Variants in NEDD4L observed in about 807,000 individuals in gnomAD.
NEDD4L encodes E3 ubiquitin-protein ligase NEDD4-like.
Under a neutral mutation model 148.9 loss-of-function variants are expected in NEDD4L, and 54 were observed. That is an observed-to-expected ratio of 0.36 (90% CI 0.29 to 0.45). The LOEUF (loss-of-function observed/expected upper bound fraction) is 0.45, where lower values mean the gene tolerates loss of function less well. Among genes scored for constraint, NEDD4L ranks in the 20% least tolerant of loss-of-function variants. The probability of loss-of-function intolerance (pLI) is 1.00; values close to 1 mark genes in which losing one functional copy is unlikely to be tolerated. For missense variants in NEDD4L, 856 were observed against 1,233.8 expected (o/e 0.69, Z 4.59); for synonymous variants, 433 against 440.7 (o/e 0.98, Z 0.22).
chr18:58,195,370 T>G (rs2040540431), intron 2 of NEDD4L: 1 of 1,194,498 alleles, frequency 8.4e-7, no homozygotes, highest in Non-Finnish European at 1.1e-6. Context: ...AGTCATTGGC[T>G]CTGCTGCCTC....
chr18:58,105,696 G>C (rs980939648), intron 1 of NEDD4L, among the ~76,000 whole-genome samples: 1 of 152,114 alleles, frequency 6.6e-6, no homozygotes, highest in African/African-American at 2.4e-5. Flanking sequence ...CTGATATCAC[G>C]AGTCAATGTG....
chr18:58,324,290 G>C (rs974376349), intron 8 of NEDD4L, among the ~76,000 whole-genome samples: 4 of 152,216 alleles, frequency 2.6e-5, no homozygotes, highest in Admixed American at 6.5e-5. Flanking sequence ...AGGATGTTAG[G>C]AAGGGAATAC....
intron 1 of NEDD4L, among the ~76,000 whole-genome samples, chr18:58,094,787 T>C (rs1018386848): frequency 2.6e-5 from 4 of 152,014 alleles, no homozygotes; most frequent in African/African-American, 9.7e-5. Context: ...TTGAGGGCCT[T>C]ACAGACCTGG....
At position 58,135,517 on chromosome 18, in the gene NEDD4L, T is replaced by C. The variant is rs150329062; in HGVS notation, c.49-30271T>C. 1.4e-4 allele frequency among the ~76,000 whole-genome samples: 22 copies of C among 152,336 alleles called. No homozygotes were observed. In the East Asian group the frequency reaches 4.0e-3, roughly 28 times the overall value. ...TTGACATGTAGGTCACCTGACCGTG[T>C]ATGGAGAGAGAAAAATCACTTTCTT... is the stretch of plus-strand genomic sequence containing the variant. On this transcript the variant is annotated intron_variant, in intron 1 of 30. Coordinates refer to ENST00000400345, the MANE Select transcript of NEDD4L (RefSeq NM_001144967.3).
chr18:58,220,915 A>T (rs2043687940), intron 2 of NEDD4L, among the ~76,000 whole-genome samples: 2 of 152,158 alleles, frequency 1.3e-5, no homozygotes, highest in African/African-American at 4.8e-5. Flanking sequence ...GTCCCAGGGT[A>T]GAGCTCTGCT....
intron 1 of NEDD4L, among the ~76,000 whole-genome samples, chr18:58,080,893 A>C (rs1568186992): frequency 6.6e-6 from 1 of 152,126 alleles, no homozygotes; most frequent in African/African-American, 2.4e-5. Context: ...CTCTTAAGAA[A>C]GCAGTTTCAC....
intron 1 of NEDD4L, chr18:58,044,934 C>G (rs559586308): frequency 3.4e-5 from 16 of 473,776 alleles, no homozygotes; most frequent in African/African-American, 2.6e-4. Context: ...GCGCGACGCC[C>G]TTGGAGCTGG....
intron 1 of NEDD4L, among the ~76,000 whole-genome samples, chr18:58,096,462 G>A (rs1321354847): frequency 6.6e-6 from 1 of 151,020 alleles, no homozygotes; most frequent in Non-Finnish European, 1.5e-5. Flanking sequence ...GGAGCGCAGT[G>A]GCGCAGTCTT....
chr18:58,071,794 A>G (rs151183404), intron 1 of NEDD4L, among the ~76,000 whole-genome samples: 70 of 152,356 alleles, frequency 4.6e-4, no homozygotes, highest in Non-Finnish European at 7.9e-4. Context: ...CATGTCTTAC[A>G]TGGCACCAGG....
intron 1 of NEDD4L, among the ~76,000 whole-genome samples, chr18:58,103,807 C>T (rs1156580207): frequency 6.6e-6 from 1 of 152,162 alleles, no homozygotes; most frequent in East Asian, 1.9e-4. Context: ...AGACTGCCTG[C>T]GCAGCCCGAG....
chr18:58,352,155 G>A (rs1045277416), intron 18 of NEDD4L, among the ~76,000 whole-genome samples: 1 of 152,154 alleles, frequency 6.6e-6, no homozygotes, highest in African/African-American at 2.4e-5. Flanking sequence ...ATATTTCAAG[G>A]TGCAGAGACT....
At chr18:58,282,435 C>A (rs1169458245) in intron 5 of NEDD4L, among the ~76,000 whole-genome samples, 1 of 152,124 alleles carries the variant, frequency 6.6e-6, no homozygotes, top group Admixed American at 6.5e-5. Context: ...TAATTGATTG[C>A]AAAACATGTT....
At chr18:58,125,863 T>C (rs2030984431) in intron 1 of NEDD4L, among the ~76,000 whole-genome samples, 1 of 152,246 alleles carries the variant, frequency 6.6e-6, no homozygotes, top group Admixed American at 6.5e-5. Context: ...ACCTACCACC[T>C]CTCAATTTAG....
chr18:58,191,778 C>A (rs1442161820), intron 2 of NEDD4L, among the ~76,000 whole-genome samples: 1 of 152,154 alleles, frequency 6.6e-6, no homozygotes, highest in African/African-American at 2.4e-5. Context: ...GAGCCCTGAT[C>A]TGGGAAACCC....
intron 1 of NEDD4L, among the ~76,000 whole-genome samples, chr18:58,165,171 A>G (rs8095089): frequency 0.029 from 4,470 of 152,316 alleles, 226 homozygotes; most frequent in African/African-American, 0.1. Flanking sequence ...AGAGCTTCTT[A>G]GGAAATATTG....
At chr18:58,317,595 A>G (rs559960863) in intron 6 of NEDD4L, among the ~76,000 whole-genome samples, 10 of 152,352 alleles carry the variant, frequency 6.6e-5, no homozygotes, top group Admixed American at 4.6e-4. Flanking sequence ...GTGAGTGAGC[A>G]GCACCTGGTC....
intron 9 of NEDD4L, among the ~76,000 whole-genome samples, chr18:58,327,765 A>C (rs896796689): frequency 1.3e-5 from 2 of 152,150 alleles, no homozygotes; most frequent in East Asian, 1.9e-4. Context: ...GACGATTTCA[A>C]CTTTTGAGAT....
intron 1 of NEDD4L, among the ~76,000 whole-genome samples, chr18:58,161,452 T>TA (rs2036208502): frequency 7.5e-6 from 1 of 132,646 alleles, no homozygotes; most frequent in African/African-American, 2.9e-5. Context: ...TTTTTTTTTT[T>TA]AACAAAAGTC....
rs571060486 is a variant in NEDD4L at position 58,063,119 on chromosome 18, C to T, written c.48+18411C>T. Among the ~76,000 whole-genome samples, 39 of 136,756 alleles carry T rather than the reference C, an allele frequency of 2.9e-4. 1 individual carries two copies. In the South Asian group the frequency reaches 9.4e-3, roughly 33 times the overall value. 89.7% of individuals were successfully genotyped at this position (136,756 alleles called of 152,430 possible). A position where few individuals can be genotyped will look rare whatever the true frequency, so the allele number is the denominator to read the frequency against. ...GGAGTGCAGTGGCGTTATCACGGTTCACTGTAGCCTTGACCTCCGAAGTCC... is the reference window on the plus strand; with the variant it reads ...GGAGTGCAGTGGCGTTATCACGGTTTACTGTAGCCTTGACCTCCGAAGTCC... On this transcript the variant is annotated intron_variant, in intron 1 of 30. Transcript: ENST00000400345.
Sources: gnomAD v4.1 joint callset for allele counts (sites outside exome capture counted in the v4.1 genomes callset) on GRCh38, gnomAD v4.1.1 for gene constraint, MANE v1.5 for transcripts, NCBI Gene and HGNC (gene_info 2026-07-23, HGNC 2026-07-21) for gene names.